The following HADH variants were observed in gnomAD, a reference collection of about 807,000 sequenced individuals.
HADH encodes hydroxyacyl-CoA dehydrogenase, also known as hydroxyacyl-coenzyme A dehydrogenase, mitochondrial.
In HADH, 24 loss-of-function variants were observed where a neutral mutation model predicts 32.2. The observed-to-expected ratio is 0.75, with a 90% CI of 0.54 to 1.05. HADH has a LOEUF of 1.05. Ranked by LOEUF, HADH falls within the 50% of genes least tolerant of loss-of-function variation. The pLI is 0.00. For synonymous variants in HADH, 139 were observed against 152.5 expected (o/e 0.91, Z 0.65); for missense variants, 350 against 397.1 (o/e 0.88, Z 1.01).
intron 6 of HADH, chr4:108,030,675 GA>G (rs1451092059): frequency 2.6e-5 from 4 of 152,248 alleles, no homozygotes; most frequent in African/African-American, 7.2e-5. Flanking sequence ...GGAGGTAGGA[GA>G]GGGTGTCCAA....
intron 4 of HADH, 98 bp downstream of exon 4, chr4:108,019,764 T>C: frequency 6.9e-7 from 1 of 1,443,086 alleles, no homozygotes. Flanking sequence ...TTGCCTAGGA[T>C]GGGTTTTAAC....
At chr4:108,022,187 GTA>G (rs10552948) in intron 4 of HADH, among the ~76,000 whole-genome samples, 97,225 of 141,940 alleles carry the variant, frequency 0.68, 35,265 homozygotes, top group East Asian at 0.91. Flanking sequence ...GTGTGTGTGT[GTA>G]TGTGTGTGTG....
At chr4:108,029,241 G>A (rs751320289) in intron 6 of HADH, 70 of 220,304 alleles carry the variant, frequency 3.2e-4, no homozygotes, top group Non-Finnish European at 4.3e-4. Context: ...TGCCATCTCC[G>A]TTCATACAGT....
rs1326094796 is a variant in HADH, at chr4:108,009,901, A to G, written c.261+14A>G. ...GAAAACCTTAAGGTAATTTCTTATT[A>G]TCGATGTCTTCAAGACAAGTCCTCT... On this transcript the variant is annotated intron_variant, in intron 2 of 7. Transcript: ENST00000309522. 2 of 1,584,390 alleles carry G rather than the reference A, an allele frequency of 1.3e-6. No homozygotes were observed. Among genetic ancestry groups the G allele is most frequent in the Admixed American group, 1.7e-5 (1 of 59,934 alleles).
intron 5 of HADH, chr4:108,025,492 G>A (rs1181992778): frequency 6.6e-6 from 1 of 152,108 alleles, no homozygotes; most frequent in Non-Finnish European, 1.5e-5. Flanking sequence ...AAAGTATTTA[G>A]AACAGTACCT....
intron 1 of HADH, among the ~76,000 whole-genome samples, chr4:107,999,319 T>G (rs1407076524): frequency 6.6e-6 from 1 of 152,220 alleles, no homozygotes; most frequent in Non-Finnish European, 1.5e-5. Flanking sequence ...TGATCTTGCA[T>G]TGGGCAACGC....
intron 1 of HADH, among the ~76,000 whole-genome samples, chr4:107,994,878 G>T (rs1019223045): frequency 4.7e-4 from 72 of 152,180 alleles, no homozygotes; most frequent in African/African-American, 1.7e-3. Context: ...TTCCTAGAGG[G>T]TAGAAGAGGT....
chr4:108,034,895 G>A lies in HADH; in HGVS notation c.*538G>A, dbSNP rs1736409964. On this transcript the variant is annotated 3_prime_UTR_variant, in exon 8 of 8. Transcript: ENST00000309522. ...CATAAGATGTGTCTTTATTCAGCTC[G>A]TCGTGAAGATGCTGCTGCTGAATGG... 5 of 199,536 alleles carry A rather than the reference G, an allele frequency of 2.5e-5. No individual in the cohort carries two copies. Among genetic ancestry groups the A allele is most frequent in the South Asian group, 2.0e-4 (2 of 10,178 alleles). 12.4% of individuals were successfully genotyped at this position (199,536 alleles called of 1,614,324 possible).
chr4:108,023,613 C>A, intron 5 of HADH, 50 bp downstream of exon 5: 1 of 1,014,088 alleles, frequency 9.9e-7, no homozygotes, highest in South Asian at 1.3e-5. Flanking sequence ...CTTCTTGGAC[C>A]CTGACTTGTT....
intron 6 of HADH, chr4:108,028,147 A>C: frequency 3.5e-6 from 1 of 282,314 alleles, no homozygotes; most frequent in Non-Finnish European, 6.8e-6. Context: ...AGGTTCTAAA[A>C]CTTGTGACTG....
At chr4:108,016,498 T>A (rs1026748087) in intron 3 of HADH, among the ~76,000 whole-genome samples, 24 of 152,294 alleles carry the variant, frequency 1.6e-4, no homozygotes, top group Middle Eastern at 3.4e-3. Flanking sequence ...AGAATATACT[T>A]GTGGTACCGG....
At position 108,023,498 on chromosome 4, in the gene HADH, C is replaced by G. The variant is rs1311091051; in HGVS notation, c.571C>G (p.Gln191Glu). Reference protein sequence around the residue: ...VEVIKTPMTSQKTFESLVDFS... With the variant: ...VEVIKTPMTSEKTFESLVDFS... The stretch of plus-strand genomic sequence containing the variant: ...GGTCATTAAAACACCAATGACCAGC[C>G]AGAAGACATTTGAATCTTTGGTAGA... The change falls in exon 5 of 8, where the codon CAG becomes GAG. Residue 191 changes from glutamine (Q) to glutamate (E), a missense_variant. Physicochemically the swap from Gln to Glu is conservative, Grantham distance 29. Coordinates refer to ENST00000309522, the MANE Select transcript of HADH (RefSeq NM_005327.7). The G allele has an allele frequency of 6.2e-7, 1 of 1,611,840 alleles. No homozygotes were observed. Among genetic ancestry groups the G allele is most frequent in the Admixed American group, 1.7e-5 (1 of 60,032 alleles).
intron 1 of HADH, among the ~76,000 whole-genome samples, chr4:107,995,866 G>A (rs1179946949): frequency 2.6e-5 from 4 of 152,134 alleles, no homozygotes; most frequent in African/African-American, 9.7e-5. Context: ...TACATCCCAG[G>A]TTGACGTCTC....
At chr4:108,009,228 T>C (rs1735395476) in intron 1 of HADH, among the ~76,000 whole-genome samples, 1 of 152,228 alleles carries the variant, frequency 6.6e-6, no homozygotes, top group Non-Finnish European at 1.5e-5. Flanking sequence ...GAGGCCAAGC[T>C]GTACAAGGGG....
At chr4:108,013,985 A>T (rs1291627031) in intron 2 of HADH, among the ~76,000 whole-genome samples, 1 of 152,160 alleles carries the variant, frequency 6.6e-6, no homozygotes, top group Non-Finnish European at 1.5e-5. Flanking sequence ...TTATAGAGGC[A>T]CCATCTCCAA....
At chr4:107,999,870 C>T in intron 1 of HADH, among the ~76,000 whole-genome samples, 1 of 152,104 alleles carries the variant, frequency 6.6e-6, no homozygotes, top group East Asian at 1.9e-4. Context: ...GTTTACATAC[C>T]TTACCTTAAA....
chr4:107,999,160 C>T (rs1304409334), intron 1 of HADH, among the ~76,000 whole-genome samples: 1 of 152,180 alleles, frequency 6.6e-6, no homozygotes, highest in Non-Finnish European at 1.5e-5. Context: ...CACACATGTG[C>T]CCCTCACAGA....
intron 5 of HADH, chr4:108,025,841 C>G (rs1291384168): frequency 6.6e-6 from 1 of 152,206 alleles, no homozygotes; most frequent in Non-Finnish European, 1.5e-5. Flanking sequence ...GATCATGCCA[C>G]TGCACTCCAG....
chr4:107,998,364 C>T (rs368574088), intron 1 of HADH, among the ~76,000 whole-genome samples: 15 of 152,308 alleles, frequency 9.8e-5, no homozygotes, highest in Admixed American at 4.6e-4. Flanking sequence ...ACTGCAGTGT[C>T]CACCTCCCAG....
Sources: gnomAD v4.1 joint callset for allele counts (sites outside exome capture counted in the v4.1 genomes callset) on GRCh38, gnomAD v4.1.1 for gene constraint, MANE v1.5 for transcripts, NCBI Gene and HGNC (gene_info 2026-07-23, HGNC 2026-07-21) for gene names.